PALM2AKAP2: variants seen among roughly 807,000 people sequenced by gnomAD.
PALM2AKAP2 encodes PALM2 and AKAP2 fusion, also known as PALM2-AKAP2 fusion protein.
In PALM2AKAP2, 37 loss-of-function variants were observed where a neutral mutation model predicts 71.5. The ratio of observed to expected loss-of-function variants is 0.52; its 90% CI spans 0.40 to 0.68. The LOEUF (loss-of-function observed/expected upper bound fraction) is 0.68. PALM2AKAP2 is among the 30% of genes least tolerant of loss of function. The probability of loss-of-function intolerance (pLI) is 0.00; values close to 1 mark genes in which losing one functional copy is unlikely to be tolerated. For missense variants in PALM2AKAP2, 1,224 were observed against 1,191.8 expected, an observed-to-expected ratio of 1.03 and a Z score of -0.40; for synonymous variants, 468 against 478.8, an observed-to-expected ratio of 0.98 and a Z score of 0.29.
At chr9:110,038,495 T>G (rs1833452643) in intron 7 of PALM2AKAP2, among the ~76,000 whole-genome samples, 1 of 152,104 alleles carries the variant, frequency 6.6e-6, no homozygotes, top group African/African-American at 2.4e-5. Context: ...CGGGTGAGTT[T>G]GGAGAAATGA....
intron 1 of PALM2AKAP2, among the ~76,000 whole-genome samples, chr9:109,661,078 G>A (rs1827386926): frequency 1.3e-5 from 2 of 152,082 alleles, no homozygotes; most frequent in East Asian, 3.9e-4. Context: ...TTGTCAGATG[G>A]GTAGATTGCA....
intron 1 of PALM2AKAP2, among the ~76,000 whole-genome samples, chr9:109,728,334 C>T (rs1828505763): frequency 6.6e-6 from 1 of 152,204 alleles, no homozygotes; most frequent in African/African-American, 2.4e-5. Flanking sequence ...AACTGCCTTG[C>T]CTTACATCTC....
chr9:109,990,474 G>A (rs1225891628), intron 6 of PALM2AKAP2, among the ~76,000 whole-genome samples: 1 of 152,190 alleles, frequency 6.6e-6, no homozygotes, highest in African/African-American at 2.4e-5. Context: ...TCTGTATAGT[G>A]TCGTCAAAGC....
chr9:110,154,419 A>G (rs1303800942), intron 2 of PALM2AKAP2, among the ~76,000 whole-genome samples: 2 of 152,204 alleles, frequency 1.3e-5, no homozygotes, highest in Non-Finnish European at 2.9e-5. Flanking sequence ...ATTTTCAGAG[A>G]TACATACTAA....
chr9:109,961,334 G>A (rs928460822), intron 6 of PALM2AKAP2, among the ~76,000 whole-genome samples: 4 of 152,168 alleles, frequency 2.6e-5, no homozygotes, highest in Non-Finnish European at 4.4e-5. Context: ...CAGGGACCAG[G>A]CATATTCTTC....
At chr9:109,672,171 G>A (rs528079664) in intron 1 of PALM2AKAP2, among the ~76,000 whole-genome samples, 1 of 152,260 alleles carries the variant, frequency 6.6e-6, no homozygotes, top group East Asian at 1.9e-4. Context: ...GGGCATCCTT[G>A]TCTTGTGCCG....
At chr9:109,886,175 C>T (rs1049610754) in intron 3 of PALM2AKAP2, among the ~76,000 whole-genome samples, 2 of 152,216 alleles carry the variant, frequency 1.3e-5, no homozygotes, top group Non-Finnish European at 1.5e-5. Flanking sequence ...TTTGGAGTGA[C>T]GTATTGAGAA....
chr9:109,687,615 G>C (rs1238088858), intron 1 of PALM2AKAP2, among the ~76,000 whole-genome samples: 1 of 152,232 alleles, frequency 6.6e-6, no homozygotes, highest in Non-Finnish European at 1.5e-5. Flanking sequence ...TAAAGGGAAT[G>C]TTGTGGCTGG....
At chr9:109,910,058 G>A (rs1418249027) in intron 3 of PALM2AKAP2, among the ~76,000 whole-genome samples, 1 of 152,188 alleles carries the variant, frequency 6.6e-6, no homozygotes, top group South Asian at 2.1e-4. Context: ...CTATACTAGG[G>A]CTGAAGAGAA....
chr9:109,860,253 CT>C (rs1040865599), intron 1 of PALM2AKAP2, among the ~76,000 whole-genome samples: 2 of 151,898 alleles, frequency 1.3e-5, no homozygotes, highest in African/African-American at 4.8e-5. Context: ...GACTATTTTT[CT>C]TTTTTTTCCC....
chr9:109,788,364 T>C (rs2118850344), intron 1 of PALM2AKAP2, among the ~76,000 whole-genome samples: 1 of 152,326 alleles, frequency 6.6e-6, no homozygotes, highest in East Asian at 1.9e-4. Flanking sequence ...GGCTCAGGAC[T>C]CATAGTAGCA....
intron 1 of PALM2AKAP2, among the ~76,000 whole-genome samples, chr9:110,110,242 G>A (rs946321630): frequency 2.0e-5 from 3 of 152,114 alleles, no homozygotes; most frequent in Non-Finnish European, 4.4e-5. Flanking sequence ...TAAATAGTCC[G>A]AGGGACATTT....
intron 7 of PALM2AKAP2, among the ~76,000 whole-genome samples, chr9:110,043,295 T>C (rs1427115037): frequency 1.3e-5 from 2 of 152,232 alleles, no homozygotes; most frequent in African/African-American, 4.8e-5. Context: ...TAAAAGTGTA[T>C]ATTAAATATT....
At chr9:109,706,044 G>A (rs188794571) in intron 1 of PALM2AKAP2, among the ~76,000 whole-genome samples, 24 of 152,134 alleles carry the variant, frequency 1.6e-4, no homozygotes, top group South Asian at 2.1e-4. Context: ...GATCAAAATC[G>A]TGTAGAAGGG....
intron 1 of PALM2AKAP2, among the ~76,000 whole-genome samples, chr9:109,822,956 A>G (rs1343402837): frequency 6.6e-6 from 1 of 152,182 alleles, no homozygotes; most frequent in Non-Finnish European, 1.5e-5. Flanking sequence ...TGCTTGCCAT[A>G]GTCCGCCTCT....
intron 1 of PALM2AKAP2, among the ~76,000 whole-genome samples, chr9:110,083,246 C>T (rs548296306): frequency 2.0e-5 from 3 of 152,322 alleles, no homozygotes; most frequent in East Asian, 3.9e-4. Flanking sequence ...GGTTTGGCTA[C>T]TCTAGGTACC....
rs115380757 is a variant in PALM2AKAP2 at position 109,773,764 on chromosome 9, C to T, written c.6-6724C>T. ...GATACTTTGTCTTATGTTCATTCCA[C>T]TCTACCATGAGCTGCTTTGGGGAAA... On this transcript the variant is annotated intron_variant, in intron 1 of 6. Transcript: ENST00000374531. Among the ~76,000 whole-genome samples the T allele has an allele frequency of 9.6e-3, 1,292 of 134,790 alleles. 11 individuals are homozygous for T. The highest frequency in any genetic ancestry group is 0.02 in the African/African-American group (654 of 33,352). 88.4% of individuals were successfully genotyped at this position (134,790 alleles called of 152,430 possible).
intron 3 of PALM2AKAP2, among the ~76,000 whole-genome samples, chr9:110,160,155 T>G (rs1003230529): frequency 1.3e-5 from 2 of 152,040 alleles, no homozygotes. Context: ...CCCTTGTTCC[T>G]CTATGAAGAT....
chr9:109,991,556 C>T lies in PALM2AKAP2; in HGVS notation c.497-24398C>T, dbSNP rs937979221. 5.3e-5 allele frequency among the ~76,000 whole-genome samples: 8 copies of T among 152,132 alleles called. No homozygotes were observed. The East Asian group carries it at 5.8e-4, about 11-fold the overall frequency. On this transcript the variant is annotated intron_variant, in intron 6 of 9. Transcript: ENST00000302798. Reference sequence around the variant, plus strand: ...ACTTAGCCACCACACTTGGCCACCACGTCTTTAAGATTATGAATAAAAAGG... The same window carrying T: ...ACTTAGCCACCACACTTGGCCACCATGTCTTTAAGATTATGAATAAAAAGG...
Sources: gnomAD v4.1 joint callset for allele counts (sites outside exome capture counted in the v4.1 genomes callset) on GRCh38, gnomAD v4.1.1 for gene constraint, MANE v1.5 for transcripts, NCBI Gene and HGNC (gene_info 2026-07-23, HGNC 2026-07-21) for gene names.